Variants in RSAD2 observed in about 807,000 individuals in gnomAD.
The protein encoded by RSAD2 is radical S-adenosyl methionine domain containing 2, also known as S-adenosylmethionine-dependent nucleotide dehydratase RSAD2.
Under a neutral mutation model 37.7 loss-of-function variants are expected in RSAD2, and 38 were observed. The observed-to-expected ratio is 1.01, with a 90% CI of 0.78 to 1.32. The LOEUF (loss-of-function observed/expected upper bound fraction) is 1.32, where lower values mean the gene tolerates loss of function less well. Among genes scored for constraint, RSAD2 ranks in the 40% most tolerant of loss-of-function variants. The pLI, the probability that RSAD2 is intolerant of heterozygous loss-of-function variation, is 0.00. For synonymous variants in RSAD2, 163 were observed against 157.4 expected (o/e 1.04, Z -0.27); for missense variants, 428 against 437.5 (o/e 0.98, Z 0.19).
intron 2 of RSAD2, 71 bp from the exon 3 acceptor site, chr2:6,886,864 C>G (rs1444048508): frequency 9.3e-7 from 1 of 1,079,124 alleles, no homozygotes; most frequent in Non-Finnish European, 1.4e-6. Flanking sequence ...TATTTTATCA[C>G]AAGAGATCTA....
chr2:6,877,592 C>T (rs1180392079), upstream of RSAD2: 16 of 569,076 alleles, frequency 2.8e-5, no homozygotes, highest in East Asian at 3.5e-4. Context: ...CAGGAATGCT[C>T]GCCCCGATCT....
intron 2 of RSAD2, among the ~76,000 whole-genome samples, chr2:6,884,716 T>C (rs1225835885): frequency 1.3e-5 from 2 of 152,012 alleles, no homozygotes; most frequent in Non-Finnish European, 2.9e-5. Flanking sequence ...ATGGAGACAA[T>C]AGGAAAGCAT....
chr2:6,890,390 T>C, intron 4 of RSAD2, 65 bp downstream of exon 4: 1 of 1,555,614 alleles, frequency 6.4e-7, no homozygotes, highest in South Asian at 1.1e-5. Flanking sequence ...AAAAGGGAAG[T>C]CTCTCAGCCA....
Position 6,895,804 on chromosome 2 carries a change from A to T in RSAD2, c.948A>T (p.Gly316=), listed in dbSNP as rs752778116. Residue 316 remains glycine (G), a synonymous_variant, in exon 6 of 6, where the codon GGA becomes GGT. Coordinates refer to ENST00000382040, the MANE Select transcript of RSAD2 (RefSeq NM_080657.5). ...TGCGCTTTCTGAACTGTAGAAAGGG[A>T]CGGAAGGACCCTTCCAAGTCCATCC... ...EYMRFLNCRK[G]RKDPSKSILD... The T allele has an allele frequency of 6.2e-7, 1 of 1,613,926 alleles. No homozygotes were observed. The highest frequency in any genetic ancestry group is 1.3e-5 in the African/African-American group (1 of 74,944).
rs6431838 is a variant in RSAD2, at chr2:6,896,707, G to C, written c.*765G>C. The C allele has an allele frequency of 0.58, 87,828 of 152,042 alleles. 26,491 individuals carry two copies. The highest frequency in any genetic ancestry group is 0.75 in the East Asian group (3,852 of 5,168). The allele number at this position is 152,042 out of a possible 1,614,324, so 9.4% of individuals were successfully genotyped here. A position where few individuals can be genotyped will look rare whatever the true frequency, so the allele number is the denominator to read the frequency against. ...GTGTGGTGCAGCCCAGCCCACGGTG[G>C]CTGTTCCATGAATGCTGGCTACCTA... On this transcript the variant is annotated 3_prime_UTR_variant, in exon 6 of 6. Coordinates refer to ENST00000382040, the MANE Select transcript of RSAD2 (RefSeq NM_080657.5).
chr2:6,870,674 G>C (rs776428955), intron 1 of RSAD2, among the ~76,000 whole-genome samples: 1 of 152,214 alleles, frequency 6.6e-6, no homozygotes, highest in African/African-American at 2.4e-5. Context: ...TTAGGAGGAA[G>C]CCTTTCCAGC....
upstream of RSAD2, among the ~76,000 whole-genome samples, chr2:6,876,379 G>A (rs937620449): frequency 3.3e-5 from 5 of 152,142 alleles, no homozygotes; most frequent in Non-Finnish European, 7.4e-5. Flanking sequence ...CACTAGGATC[G>A]TGCTGACCTA....
Position 6,896,665 on chromosome 2 carries a change from T to G in RSAD2, c.*723T>G, listed in dbSNP as rs1032018797. 6.6e-6 allele frequency: 1 copy of G among 152,132 alleles called. No homozygotes were observed. 9.4% of individuals were successfully genotyped at this position (152,132 alleles called of 1,614,324 possible). A position where few individuals can be genotyped will look rare whatever the true frequency, so the allele number is the denominator to read the frequency against. ...TTTTCAAGAAGTCTCTAGAAAGAGA[T>G]AACACATGGAAAGACGGTGTGGTGC... On this transcript the variant is annotated 3_prime_UTR_variant, in exon 6 of 6. Transcript: ENST00000382040.
At chr2:6,883,602 C>T (rs1009462871) in intron 2 of RSAD2, 70 bp downstream of exon 2, 2 of 1,555,440 alleles carry the variant, frequency 1.3e-6, no homozygotes, top group Non-Finnish European at 8.8e-7. Context: ...ATATTTCCTT[C>T]CCTCCTGGGC....
At chr2:6,866,493 T>C (rs754148598) in intron 1 of RSAD2, 161 of 985,574 alleles carry the variant, frequency 1.6e-4, no homozygotes, top group Non-Finnish European at 1.9e-4. Context: ...AACTGGGAAG[T>C]GTCGCCCAGA....
intron 1 of RSAD2, chr2:6,878,965 AG>A (rs1235483080): frequency 3.4e-6 from 2 of 594,178 alleles, no homozygotes; most frequent in Non-Finnish European, 5.7e-6. Context: ...AATCACAGCC[AG>A]GTAAATAGCC....
chr2:6,876,303 G>C (rs895322152), upstream of RSAD2, among the ~76,000 whole-genome samples: 23 of 152,216 alleles, frequency 1.5e-4, no homozygotes, highest in African/African-American at 5.5e-4. Context: ...TTATGTTTGG[G>C]CTAAGCATTT....
At chr2:6,875,892 A>G (rs972846878), upstream of RSAD2, among the ~76,000 whole-genome samples, 1 of 152,176 alleles carries the variant, frequency 6.6e-6, no homozygotes, top group Non-Finnish European at 1.5e-5. Context: ...TCCGGTCCCA[A>G]TTTAAACTAG....
intron 2 of RSAD2, among the ~76,000 whole-genome samples, chr2:6,885,864 A>C (rs1037180868): frequency 6.6e-6 from 1 of 152,202 alleles, no homozygotes; most frequent in Non-Finnish European, 1.5e-5. Flanking sequence ...AATTTATTTG[A>C]GATCAATTTT....
At position 6,897,984 on chromosome 2, in the gene RSAD2, G is replaced by T. The variant is rs1663814465; in HGVS notation, c.*2042G>T. The stretch of plus-strand genomic sequence containing the variant: ...CACTCCAGCCTGGATGACAGAGCAA[G>T]ACTCCGTCTCAAAAAAAAAAAAAAA... On this transcript the variant is annotated 3_prime_UTR_variant, in exon 6 of 6. Transcript: ENST00000382040. 8.4e-6 allele frequency: 1 copy of T among 118,964 alleles called. No individual in the cohort carries two copies. Among genetic ancestry groups the T allele is most frequent in the African/African-American group, 3.3e-5 (1 of 30,356 alleles). 7.4% of individuals were successfully genotyped at this position (118,964 alleles called of 1,614,324 possible). A position where few individuals can be genotyped will look rare whatever the true frequency, so the allele number is the denominator to read the frequency against.
In RSAD2 at chr2:6,878,051, A is replaced by G; in HGVS notation, c.251A>G (p.Asn84Ser). Residue 84 changes from asparagine (N) to serine (S), a missense_variant, in exon 1 of 6, where the codon AAC becomes AGC. Physicochemically the swap from Asn to Ser is conservative, Grantham distance 46. Transcript: ENST00000382040. Reference protein sequence around the residue: ...SVNYHFTRQCNYKCGFCFHTA... With the variant: ...SVNYHFTRQCSYKCGFCFHTA... ...AACTATCACTTCACTCGCCAGTGCAACTACAAATGCGGCTTCTGTTTCCAC... is the reference window on the plus strand; with the variant it reads ...AACTATCACTTCACTCGCCAGTGCAGCTACAAATGCGGCTTCTGTTTCCAC... 1.2e-6 allele frequency: 2 copies of G among 1,614,190 alleles called. No individual in the cohort carries two copies. The highest frequency in any genetic ancestry group is 1.7e-6 in the Non-Finnish European group (2 of 1,180,022).
chr2:6,866,275 C>T (rs1572148295), intron 1 of RSAD2: 3 of 265,020 alleles, frequency 1.1e-5, no homozygotes, highest in East Asian at 1.8e-4. Context: ...ACCTCAACTC[C>T]TAGCTCTGAC....
upstream of RSAD2, among the ~76,000 whole-genome samples, chr2:6,873,860 A>G: frequency 6.6e-6 from 1 of 152,230 alleles, no homozygotes; most frequent in East Asian, 1.9e-4. Flanking sequence ...TTTAAGTTAT[A>G]TTTATATAAA....
At chr2:6,884,829 G>A (rs1663484032) in intron 2 of RSAD2, among the ~76,000 whole-genome samples, 1 of 152,144 alleles carries the variant, frequency 6.6e-6, no homozygotes, top group Non-Finnish European at 1.5e-5. Flanking sequence ...AGAGAATTTG[G>A]ATGATCCTCA....
Sources: gnomAD v4.1 joint callset for allele counts (sites outside exome capture counted in the v4.1 genomes callset) on GRCh38, gnomAD v4.1.1 for gene constraint, MANE v1.5 for transcripts, NCBI Gene and HGNC (gene_info 2026-07-23, HGNC 2026-07-21) for gene names.